Variants in KIF13B observed in about 807,000 individuals in gnomAD.
The protein encoded by KIF13B is kinesin family member 13B, also known as kinesin-like protein KIF13B.
In KIF13B, 127 loss-of-function variants were observed where a neutral mutation model predicts 222.0. The observed-to-expected ratio is 0.57, with a 90% CI of 0.50 to 0.66. KIF13B has a LOEUF of 0.66. KIF13B is among the 30% of genes least tolerant of loss of function. The probability of loss-of-function intolerance (pLI) is 0.00; values close to 1 mark genes in which losing one functional copy is unlikely to be tolerated. For synonymous variants in KIF13B, 976 were observed against 919.0 expected (o/e 1.06, Z -1.12); for missense variants, 2,173 against 2,379.0 (o/e 0.91, Z 1.80).
Position 29,085,201 on chromosome 8 carries a change from A to T in KIF13B, c.4458+7544T>A, listed in dbSNP as rs1166367332. On this transcript the variant is annotated intron_variant, in intron 37 of 39. Transcript: ENST00000524189. ...AACATCTTCACCTGAGAACCTGCTG[A>T]TTCCAAAGAACAGGTTAATAAGCAT... 4.6e-5 allele frequency among the ~76,000 whole-genome samples: 7 copies of T among 152,366 alleles called. No homozygotes were observed. The East Asian group carries it at 1.3e-3, about 29-fold the overall frequency.
chr8:29,151,717 CT>C, intron 14 of KIF13B, among the ~76,000 whole-genome samples: 1 of 152,304 alleles, frequency 6.6e-6, no homozygotes, highest in South Asian at 2.1e-4. Flanking sequence ...CAAAATATTA[CT>C]GCTCATTGAT....
chr8:29,146,148 C>A, intron 18 of KIF13B: 1 of 591,246 alleles, frequency 1.7e-6, no homozygotes, highest in Non-Finnish European at 3.0e-6. Flanking sequence ...GTGAAATGAA[C>A]TGTCAGGGCC....
intron 37 of KIF13B, among the ~76,000 whole-genome samples, chr8:29,083,491 C>A (rs1278426279): frequency 6.6e-6 from 1 of 152,182 alleles, no homozygotes; most frequent in Non-Finnish European, 1.5e-5. Flanking sequence ...CCTCAGAAAT[C>A]CTCTTACTTG....
At chr8:29,083,842 CAT>C (rs1242977600) in intron 37 of KIF13B, among the ~76,000 whole-genome samples, 1 of 152,008 alleles carries the variant, frequency 6.6e-6, no homozygotes, top group Non-Finnish European at 1.5e-5. Context: ...AGAAAATGCT[CAT>C]ATATGTTATT....
Position 29,163,710 on chromosome 8 carries a change from C to T in KIF13B, c.1269+1952G>A, listed in dbSNP as rs186413128. On this transcript the variant is annotated intron_variant, in intron 12 of 39. Transcript: ENST00000524189. ...GCCTGGGAGCTCTGGAAGGTTAAGG[C>T]ATTGAAGGAGCTGTTGAATAAAATC... is the stretch of plus-strand genomic sequence containing the variant. 1.5e-3 allele frequency among the ~76,000 whole-genome samples: 221 copies of T among 152,266 alleles called. 1 individual carries two copies. The highest frequency in any genetic ancestry group is 5.1e-3 in the African/African-American group (212 of 41,556).
intron 3 of KIF13B, among the ~76,000 whole-genome samples, chr8:29,192,980 G>A (rs768337585): frequency 2.8e-4 from 42 of 152,108 alleles, no homozygotes; most frequent in Non-Finnish European, 5.3e-4. Context: ...AGTTCTGGGA[G>A]GTACCAGAAG....
chr8:29,102,092 AAAG>A (rs1808815154), intron 35 of KIF13B, among the ~76,000 whole-genome samples: 1 of 152,046 alleles, frequency 6.6e-6, no homozygotes, highest in Non-Finnish European at 1.5e-5. Context: ...GTAGATTAAA[AAAG>A]AAAAAAAAAA....
intron 2 of KIF13B, among the ~76,000 whole-genome samples, chr8:29,225,970 A>G (rs1815002275): frequency 6.6e-6 from 1 of 152,258 alleles, no homozygotes. Flanking sequence ...GGTCAAGAGC[A>G]TGACTGCCTG....
Position 29,127,113 on chromosome 8 carries a change from G to C in KIF13B, c.3222+9C>G. ...TTTCAAGAAGAACATAACAGGTATAGAAACTTACATGGAAGGTCTCATGTG... is the reference window on the plus strand; with the variant it reads ...TTTCAAGAAGAACATAACAGGTATACAAACTTACATGGAAGGTCTCATGTG... On this transcript the variant is annotated intron_variant, in intron 25 of 39. Transcript: ENST00000524189. 6.2e-7 allele frequency: 1 copy of C among 1,613,054 alleles called. No homozygotes were observed. Among genetic ancestry groups the C allele is most frequent in the Non-Finnish European group, 8.5e-7 (1 of 1,179,346 alleles).
intron 21 of KIF13B, among the ~76,000 whole-genome samples, chr8:29,136,986 G>C (rs1215307130): frequency 6.6e-6 from 1 of 151,714 alleles, no homozygotes; most frequent in Non-Finnish European, 1.5e-5. Context: ...ATTTTTAGTA[G>C]AGACGGGGTT....
At chr8:29,134,440 T>G (rs1586823931) in intron 21 of KIF13B, among the ~76,000 whole-genome samples, 1 of 152,172 alleles carries the variant, frequency 6.6e-6, no homozygotes, top group Admixed American at 6.5e-5. Flanking sequence ...ACTACAGAGG[T>G]GGACGTTGTA....
At chr8:29,159,330 A>T (rs1362881272) in intron 13 of KIF13B, among the ~76,000 whole-genome samples, 6 of 152,072 alleles carry the variant, frequency 3.9e-5, no homozygotes, top group Admixed American at 3.3e-4. Flanking sequence ...TTATATTTTT[A>T]GTAGAGACGG....
chr8:29,172,742 A>G (rs1812301949), intron 10 of KIF13B, among the ~76,000 whole-genome samples: 1 of 151,770 alleles, frequency 6.6e-6, no homozygotes, highest in Admixed American at 6.6e-5. Context: ...TGGGAACACC[A>G]CCCTTTCCCT....
chr8:29,132,295 A>G lies in KIF13B; in HGVS notation c.2942+13T>C. Reference sequence around the variant, plus strand: ...TATATATAAATGGAATCAGATGAACATCTAATATTCACCTGTCCCGAAGAC... The same window carrying G: ...TATATATAAATGGAATCAGATGAACGTCTAATATTCACCTGTCCCGAAGAC... On this transcript the variant is annotated intron_variant, in intron 23 of 39. Coordinates refer to ENST00000524189, the MANE Select transcript of KIF13B (RefSeq NM_015254.4). 2.8e-6 allele frequency: 4 copies of G among 1,447,054 alleles called. No individual in the cohort carries two copies. In the South Asian group the frequency reaches 6.3e-5, roughly 23 times the overall value. The allele number at this position is 1,447,054 out of a possible 1,614,324, so 89.6% of individuals were successfully genotyped here.
chr8:29,122,496 C>T, intron 29 of KIF13B, 95 bp downstream of exon 29: 1 of 969,226 alleles, frequency 1.0e-6, no homozygotes, highest in Non-Finnish European at 1.6e-6. Flanking sequence ...CTTAGGGGGA[C>T]AGAATTGCCT....
At chr8:29,228,472 A>AAAAAAAAAAAAAAGTATATATATAT in intron 2 of KIF13B, among the ~76,000 whole-genome samples, 5 of 117,080 alleles carry the variant, frequency 4.3e-5, no homozygotes, top group African/African-American at 1.6e-4. Flanking sequence ...ATCTTAAAAA[A>AAAAAAAAAAAAAAGTATATATATAT]ATATATATAT....
At chr8:29,088,324 T>C (rs1563689717) in intron 37 of KIF13B, among the ~76,000 whole-genome samples, 1 of 152,208 alleles carries the variant, frequency 6.6e-6, no homozygotes, top group Non-Finnish European at 1.5e-5. Context: ...AAATGATGGT[T>C]ATTCTTTTTT....
chr8:29,162,629 G>A (rs1811830137), intron 12 of KIF13B, among the ~76,000 whole-genome samples: 1 of 152,172 alleles, frequency 6.6e-6, no homozygotes, highest in African/African-American at 2.4e-5. Flanking sequence ...TGTCATTTGA[G>A]ATTCTATAAT....
intron 8 of KIF13B, among the ~76,000 whole-genome samples, chr8:29,178,651 T>TC (rs1812584192): frequency 1.4e-5 from 1 of 68,998 alleles, no homozygotes; most frequent in African/African-American, 3.5e-5. Flanking sequence ...GTACTTTTAG[T>TC]TAAAAAAAAA....
Sources: gnomAD v4.1 joint callset for allele counts (sites outside exome capture counted in the v4.1 genomes callset) on GRCh38, gnomAD v4.1.1 for gene constraint, MANE v1.5 for transcripts, NCBI Gene and HGNC (gene_info 2026-07-23, HGNC 2026-07-21) for gene names.